RPS11: variants seen among roughly 807,000 people sequenced by gnomAD.
RPS11 encodes the protein small ribosomal subunit protein uS17.
For missense variants in RPS11, 127 were observed against 211.4 expected (o/e 0.60, Z 2.48); for synonymous variants, 107 against 78.0 (o/e 1.37, Z -1.96).
chr19:49,497,410 G>T, intron 2 of RPS11, 85 bp downstream of exon 2: 1 of 1,599,592 alleles, frequency 6.3e-7, no homozygotes, highest in Non-Finnish European at 8.6e-7. Context: ...GCATCTAAGT[G>T]GCTTCTGGGG....
intron 1 of RPS11, among the ~76,000 whole-genome samples, chr19:49,496,955 A>T (rs1451029471): frequency 6.6e-6 from 1 of 152,188 alleles, no homozygotes; most frequent in South Asian, 2.1e-4. Context: ...AATCCCTGAG[A>T]GGCCTTCTGG....
chr19:49,498,281 G>T, intron 4 of RPS11: 1 of 534,042 alleles, frequency 1.9e-6, no homozygotes, highest in Non-Finnish European at 3.4e-6. Context: ...CGCATACATA[G>T]TGAGATGTTT....
chr19:49,497,084 C>T (rs2079910118), intron 1 of RPS11, 110 bp from the exon 2 acceptor site: 31 of 1,341,716 alleles, frequency 2.3e-5, no homozygotes, highest in Non-Finnish European at 3.2e-5. Flanking sequence ...CGGCGCTTTG[C>T]AAGTAAATGT....
chr19:49,496,949 C>G (rs1382508214), intron 1 of RPS11, among the ~76,000 whole-genome samples: 1 of 151,908 alleles, frequency 6.6e-6, no homozygotes, highest in Non-Finnish European at 1.5e-5. Context: ...TTTTGCAATC[C>G]CTGAGAGGCC....
Position 49,497,292 on chromosome 19 carries a change from G to A in RPS11, c.114G>A (p.Lys38=), listed in dbSNP as rs200480165. Residue 38 remains lysine (K), a synonymous_variant, in exon 2 of 5, where the codon AAG becomes AAA. Transcript: ENST00000270625. ...AGGAGAAGCTCCCGCGGTACTACAA[G>A]AACATCGGTCTGGGCTTCAAGACAC... ...TGKEKLPRYY[K]NIGLGFKTPK... The A allele has an allele frequency of 2.7e-5, 44 of 1,614,026 alleles. No individual in the cohort carries two copies. The highest frequency in any genetic ancestry group is 3.6e-5 in the Non-Finnish European group (43 of 1,180,036).
chr19:49,498,577 C>T (rs1329445251), intron 4 of RPS11, among the ~76,000 whole-genome samples: 1 of 152,130 alleles, frequency 6.6e-6, no homozygotes, highest in Non-Finnish European at 1.5e-5. Flanking sequence ...CATGGCAAAA[C>T]CCTCTCTCTA....
chr19:49,496,798 C>T (rs1359335686), intron 1 of RPS11, among the ~76,000 whole-genome samples: 1 of 152,042 alleles, frequency 6.6e-6, no homozygotes, highest in Non-Finnish European at 1.5e-5. Context: ...TCCAGGGAGC[C>T]TGCCGTCTGG....
rs760116388 is a variant in RPS11 at position 49,499,656 on chromosome 19, C to T, written c.*21C>T. 2.5e-6 allele frequency: 4 copies of T among 1,609,308 alleles called. No individual in the cohort carries two copies. The East Asian group carries it at 6.7e-5, about 27-fold the overall frequency. On this transcript the variant is annotated 3_prime_UTR_variant, in exon 5 of 5. Coordinates refer to ENST00000270625, the MANE Select transcript of RPS11 (RefSeq NM_001015.5). Reference sequence around the variant, plus strand: ...TCTGAGGCTGGACATCGGCCCGCTCCCCACAATGAAATAAAGTTATTTTCT... The same window carrying T: ...TCTGAGGCTGGACATCGGCCCGCTCTCCACAATGAAATAAAGTTATTTTCT...
At chr19:49,498,107 TC>T in intron 4 of RPS11, 61 bp downstream of exon 4, 2 of 1,599,598 alleles carry the variant, frequency 1.3e-6, no homozygotes, top group Non-Finnish European at 1.7e-6. Flanking sequence ...AGATTCCAGA[TC>T]GGACCAATTT....
At chr19:49,497,367 C>T in intron 2 of RPS11, 42 bp downstream of exon 2, 1 of 1,612,770 alleles carries the variant, frequency 6.2e-7, no homozygotes, top group Non-Finnish European at 8.5e-7. Context: ...CCTGGCGTTC[C>T]TGCACGTGTG....
chr19:49,497,672 G>A, intron 3 of RPS11, 77 bp downstream of exon 3: 1 of 1,357,700 alleles, frequency 7.4e-7, no homozygotes, highest in Non-Finnish European at 1.1e-6. Context: ...CCTGGGTCCT[G>A]GGTGAGAGGG....
intron 3 of RPS11, 68 bp from the exon 4 acceptor site, chr19:49,497,849 G>C: frequency 6.2e-7 from 1 of 1,605,542 alleles, no homozygotes; most frequent in Non-Finnish European, 8.5e-7. Flanking sequence ...CTGAGTCCCA[G>C]CATGCCCTGG....
chr19:49,497,392 C>T (rs527623048), intron 2 of RPS11, 67 bp downstream of exon 2: 22 of 1,607,318 alleles, frequency 1.4e-5, no homozygotes, highest in African/African-American at 4.0e-5. Context: ...CGACGAGTTG[C>T]CCTGCCTGCA....
chr19:49,498,167 C>T, intron 4 of RPS11, 121 bp downstream of exon 4: 1 of 1,099,992 alleles, frequency 9.1e-7, no homozygotes, highest in Non-Finnish European at 1.4e-6. Flanking sequence ...CTGGGAAGCC[C>T]CAGAATCTCA....
rs1006227790 is a variant in RPS11, at chr19:49,496,510, C to T, written c.15+39C>T. 6 of 1,592,622 alleles carry T rather than the reference C, an allele frequency of 3.8e-6. No homozygotes were observed. The African/African-American group carries it at 5.5e-5, about 14-fold the overall frequency. On this transcript the variant is annotated intron_variant, in intron 1 of 4. Coordinates refer to ENST00000270625, the MANE Select transcript of RPS11 (RefSeq NM_001015.5). ...GTTGGATGCCAGGGTGCGGGGTCCG[C>T]CTTGGCCTTCAGGGGCGCGTCCGGG... is the stretch of plus-strand genomic sequence containing the variant.
chr19:49,497,005 A>G (rs904715741), intron 1 of RPS11, among the ~76,000 whole-genome samples, 189 bp from the exon 2 acceptor site: 1 of 152,060 alleles, frequency 6.6e-6, no homozygotes, highest in African/African-American at 2.4e-5. Flanking sequence ...AGATCTGAGT[A>G]TGAATTACAG....
chr19:49,499,161 C>G (rs999476432), intron 4 of RPS11, among the ~76,000 whole-genome samples: 1 of 152,044 alleles, frequency 6.6e-6, no homozygotes, highest in Non-Finnish European at 1.5e-5. Context: ...TGATGCTGAG[C>G]GATAAGGGAC....
chr19:49,498,307 G>T (rs2079917640), intron 4 of RPS11: 1 of 489,872 alleles, frequency 2.0e-6, no homozygotes. Flanking sequence ...ATGTGACATA[G>T]GTCTAAACAA....
In RPS11 at chr19:49,496,467, T is replaced by G. The variant is rs754070725; in HGVS notation, c.11T>G (p.Ile4Ser). The G allele has an allele frequency of 6.2e-7, 1 of 1,611,720 alleles. No homozygotes were observed. Among genetic ancestry groups the G allele is most frequent in the East Asian group, 2.2e-5 (1 of 44,502 alleles). Residue 4 changes from isoleucine to serine, a missense_variant, in exon 1 of 5, where the codon ATT becomes AGT. Coordinates refer to ENST00000270625, the MANE Select transcript of RPS11 (RefSeq NM_001015.5). ...CAGGCGGCCGGGAAGATGGCGGACA[T>G]TCAGGTGCGGACTCGGGGTTGGATG... is the stretch of plus-strand genomic sequence containing the variant. MAD[I>S]QTERAYQKQP...
Sources: allele counts gnomAD v4.1 joint callset (sites outside exome capture counted in the v4.1 genomes callset), GRCh38; gene constraint gnomAD v4.1.1; transcripts MANE v1.5; gene names NCBI Gene and HGNC (gene_info 2026-07-23, HGNC 2026-07-21).